SLC2A9: variants seen among roughly 807,000 people sequenced by gnomAD.
The protein encoded by SLC2A9 is solute carrier family 2, facilitated glucose transporter member 9.
A neutral mutation model predicts 50.6 loss-of-function variants in SLC2A9; 39 were observed. The observed-to-expected ratio is 0.77, with a 90% confidence interval of 0.60 to 1.01. The LOEUF (loss-of-function observed/expected upper bound fraction) is 1.01, where lower values mean the gene tolerates loss of function less well. Ranked by LOEUF, SLC2A9 falls within the 50% of genes least tolerant of loss-of-function variation. The pLI is 0.00. For synonymous variants in SLC2A9, 324 were observed against 276.9 expected (o/e 1.17, Z -1.69); for missense variants, 686 against 677.6 (o/e 1.01, Z -0.14).
chr4:10,006,743 C>T (rs879854641), intron 2 of SLC2A9: 3 of 152,126 alleles, frequency 2.0e-5, no homozygotes, highest in Non-Finnish European at 2.9e-5. Context: ...GGGTTGCCAC[C>T]GTTCCCAGAT....
In SLC2A9 at chr4:9,944,827, C is replaced by T. The variant is rs531014720; in HGVS notation, c.682-2782G>A. 1.5e-4 allele frequency among the ~76,000 whole-genome samples: 23 copies of T among 152,274 alleles called. No individual in the cohort carries two copies. In the South Asian group the frequency reaches 4.6e-3, roughly 30 times the overall value. On this transcript the variant is annotated intron_variant, in intron 5 of 11. Transcript: ENST00000264784. ...GGTGTTATAGTTAGGAGAGATTATT[C>T]CCCTCACCTTCTACCAAGAAAAGTG...
intron 3 of SLC2A9, among the ~76,000 whole-genome samples, chr4:9,811,260 T>C (rs1393244290): frequency 6.6e-6 from 1 of 152,218 alleles, no homozygotes; most frequent in East Asian, 1.9e-4. Flanking sequence ...TGCATGCCCC[T>C]TTGGGATGTG....
At chr4:9,803,380 G>A (rs1721718293) in intron 3 of SLC2A9, among the ~76,000 whole-genome samples, 1 of 152,196 alleles carries the variant, frequency 6.6e-6, no homozygotes. Flanking sequence ...TATCTACCAA[G>A]AACTGTGCTA....
chr4:9,813,142 T>C (rs6826254), intron 3 of SLC2A9, among the ~76,000 whole-genome samples: 5,523 of 152,250 alleles, frequency 0.036, 345 homozygotes, highest in African/African-American at 0.13. Context: ...ATTGAGTTTT[T>C]TCTGCATAGA....
intron 2 of SLC2A9, among the ~76,000 whole-genome samples, chr4:10,010,132 G>A (rs1761518310): frequency 6.6e-6 from 1 of 152,160 alleles, no homozygotes; most frequent in Admixed American, 6.5e-5. Context: ...GGGAAGAGAG[G>A]AGGACCAAAG....
chr4:9,800,720 C>T lies in SLC2A9; in HGVS notation n.421-1479G>A, dbSNP rs190881945. Reference sequence around the variant, plus strand: ...CAATAAAAATAATGCAGTATAACAACTATTTACACATAGCATTTACAACGC... The same window carrying T: ...CAATAAAAATAATGCAGTATAACAATTATTTACACATAGCATTTACAACGC... On this transcript the variant is annotated intron_variant and non_coding_transcript_variant, in intron 3 of 3. Coordinates refer to the SLC2A9 transcript ENST00000503280. 4.6e-5 allele frequency among the ~76,000 whole-genome samples: 7 copies of T among 152,272 alleles called. No individual in the cohort carries two copies. In the East Asian group the frequency reaches 1.3e-3, roughly 29 times the overall value.
At chr4:9,790,714 C>T (rs1055614084) in intron 3 of SLC2A9, among the ~76,000 whole-genome samples, 26 of 152,088 alleles carry the variant, frequency 1.7e-4, no homozygotes, top group African/African-American at 5.3e-4. Context: ...TGTCTGGGGC[C>T]GACTCCAAAT....
At chr4:10,031,097 A>G (rs1763929990) in intron 1 of SLC2A9, among the ~76,000 whole-genome samples, 1 of 152,238 alleles carries the variant, frequency 6.6e-6, no homozygotes, top group African/African-American at 2.4e-5. Context: ...ATATCAGCTA[A>G]GCAGAGGCCT....
chr4:9,872,467 T>C (rs1328592301), intron 10 of SLC2A9, among the ~76,000 whole-genome samples: 7 of 152,354 alleles, frequency 4.6e-5, no homozygotes, highest in Middle Eastern at 3.4e-3. Context: ...CCTCTCACTA[T>C]CTGAACCTTT....
chr4:9,929,856 C>A (rs757400584), intron 6 of SLC2A9, among the ~76,000 whole-genome samples: 1 of 152,132 alleles, frequency 6.6e-6, no homozygotes, highest in Non-Finnish European at 1.5e-5. Context: ...GCCAGAAGTT[C>A]GAGACCAGGG....
intron 5 of SLC2A9, among the ~76,000 whole-genome samples, chr4:9,953,863 G>A (rs1750736087): frequency 6.6e-6 from 1 of 152,170 alleles, no homozygotes; most frequent in African/African-American, 2.4e-5. Flanking sequence ...AGGATGGAGT[G>A]CAACGGCAAC....
chr4:9,838,981 A>G (rs1351100060), intron 10 of SLC2A9, among the ~76,000 whole-genome samples: 2 of 152,238 alleles, frequency 1.3e-5, no homozygotes, highest in Non-Finnish European at 2.9e-5. Context: ...AGCAATTGCA[A>G]CAAAAGCAAA....
At chr4:9,925,417 G>C (rs1481232992) in intron 6 of SLC2A9, among the ~76,000 whole-genome samples, 1 of 152,120 alleles carries the variant, frequency 6.6e-6, no homozygotes, top group African/African-American at 2.4e-5. Flanking sequence ...CCCCTGACCA[G>C]GGGCCATTTA....
intron 10 of SLC2A9, among the ~76,000 whole-genome samples, chr4:9,845,647 G>A (rs969045911): frequency 6.6e-6 from 1 of 150,992 alleles, no homozygotes; most frequent in South Asian, 2.1e-4. Flanking sequence ...AGCCAGGATG[G>A]TCTCGATCTC....
chr4:9,772,873 G>A (rs1330566331), intron 1 of SLC2A9, among the ~76,000 whole-genome samples: 3 of 149,406 alleles, frequency 2.0e-5, no homozygotes, highest in African/African-American at 7.4e-5. Flanking sequence ...TGCACATTGT[G>A]CAGGTTAGTT....
chr4:9,890,589 G>T lies in SLC2A9; in HGVS notation c.1215+21C>A, dbSNP rs1202467934. On this transcript the variant is annotated intron_variant, in intron 9 of 11. Coordinates refer to ENST00000264784, the MANE Select transcript of SLC2A9 (RefSeq NM_020041.3). ...AGCTCCATGCTTATCTCCCTCAAAT[G>T]TGACAAGAACATCGTCTCACCTGCA... 3 of 1,611,222 alleles carry T rather than the reference G, an allele frequency of 1.9e-6. No homozygotes were observed. In the South Asian group the frequency reaches 3.3e-5, roughly 18 times the overall value.
chr4:9,911,657 C>G (rs781356766), intron 7 of SLC2A9, among the ~76,000 whole-genome samples: 1 of 152,198 alleles, frequency 6.6e-6, no homozygotes, highest in Non-Finnish European at 1.5e-5. Context: ...TCATGACCTG[C>G]GTGACCGCAG....
At chr4:9,793,427 C>T (rs1433948990) in intron 3 of SLC2A9, among the ~76,000 whole-genome samples, 2 of 152,184 alleles carry the variant, frequency 1.3e-5, no homozygotes, top group Non-Finnish European at 2.9e-5. Context: ...AATCCATTTC[C>T]AAAGGACATT....
At chr4:9,888,739 G>A (rs1011015531) in intron 9 of SLC2A9, among the ~76,000 whole-genome samples, 3 of 152,026 alleles carry the variant, frequency 2.0e-5, no homozygotes, top group Non-Finnish European at 2.9e-5. Context: ...CACCATCGGC[G>A]GGGGGGTAAG....
Sources: gnomAD v4.1 joint callset for allele counts (sites outside exome capture counted in the v4.1 genomes callset) on GRCh38, gnomAD v4.1.1 for gene constraint, MANE v1.5 for transcripts, NCBI Gene and HGNC (gene_info 2026-07-23, HGNC 2026-07-21) for gene names.